The following TAFA2 variants were observed in gnomAD, a reference collection of about 807,000 sequenced individuals.
The protein encoded by TAFA2 is chemokine-like protein TAFA-2.
In TAFA2, 7 loss-of-function variants were observed where a neutral mutation model predicts 18.8. That is an observed-to-expected ratio of 0.37 (90% CI 0.21 to 0.70). The LOEUF (loss-of-function observed/expected upper bound fraction) is 0.70, where lower values mean the gene tolerates loss of function less well. Ranked by LOEUF, TAFA2 falls within the 30% of genes least tolerant of loss-of-function variation. The probability of loss-of-function intolerance (pLI) is 0.53; values close to 1 mark genes in which losing one functional copy is unlikely to be tolerated. For missense variants in TAFA2, 122 were observed against 158.1 expected, an observed-to-expected ratio of 0.77 and a Z score of 1.23; for synonymous variants, 60 against 54.2, an observed-to-expected ratio of 1.11 and a Z score of -0.47.
At chr12:62,096,279 C>T (rs1463420696) in intron 1 of TAFA2, among the ~76,000 whole-genome samples, 13 of 151,998 alleles carry the variant, frequency 8.6e-5, no homozygotes, top group African/African-American at 2.9e-4. Context: ...GCCAAGCATC[C>T]ACACATCACT....
At chr12:62,188,684 A>T (rs2062602156) in intron 1 of TAFA2, among the ~76,000 whole-genome samples, 1 of 152,208 alleles carries the variant, frequency 6.6e-6, no homozygotes, top group Admixed American at 6.5e-5. Flanking sequence ...AAAAATGATC[A>T]TCAAAATACT....
intron 2 of TAFA2, among the ~76,000 whole-genome samples, chr12:61,766,844 T>C (rs1276965607): frequency 6.6e-6 from 1 of 152,136 alleles, no homozygotes; most frequent in Non-Finnish European, 1.5e-5. Context: ...TGACATTGTC[T>C]CTTTGTGAAT....
At chr12:62,199,615 TGTATATATATATAAAAC>T (rs1212114037) in intron 1 of TAFA2, among the ~76,000 whole-genome samples, 2 of 152,092 alleles carry the variant, frequency 1.3e-5, no homozygotes, top group African/African-American at 4.8e-5. Context: ...TATATGTATG[TGTATATATATATAAAAC>T]ATTGTCTTTA....
chr12:61,993,375 T>C (rs536860029), intron 1 of TAFA2, among the ~76,000 whole-genome samples: 71 of 152,320 alleles, frequency 4.7e-4, no homozygotes, highest in African/African-American at 1.6e-3. Flanking sequence ...TTCTGTAATT[T>C]TCTAATGTAT....
At chr12:62,182,883 A>G (rs1360659659) in intron 1 of TAFA2, among the ~76,000 whole-genome samples, 1 of 152,242 alleles carries the variant, frequency 6.6e-6, no homozygotes, top group Non-Finnish European at 1.5e-5. Flanking sequence ...AAGAATGACT[A>G]AGAAGAAAAC....
At chr12:62,049,968 A>G (rs987426622) in intron 1 of TAFA2, among the ~76,000 whole-genome samples, 5 of 152,326 alleles carry the variant, frequency 3.3e-5, no homozygotes, top group Admixed American at 2.6e-4. Context: ...TGAATATCCA[A>G]TATGATAACT....
At chr12:61,724,076 C>A (rs1485250535) in intron 4 of TAFA2, among the ~76,000 whole-genome samples, 1 of 152,122 alleles carries the variant, frequency 6.6e-6, no homozygotes, top group Non-Finnish European at 1.5e-5. Flanking sequence ...CATGCAATCA[C>A]TTATGTGCAT....
intron 2 of TAFA2, among the ~76,000 whole-genome samples, chr12:61,765,165 A>G (rs898695763): frequency 1.3e-5 from 2 of 152,012 alleles, no homozygotes; most frequent in African/African-American, 2.4e-5. Context: ...ATGCTTTTTC[A>G]AGTCCAGGCT....
intron 4 of TAFA2, among the ~76,000 whole-genome samples, chr12:61,748,475 G>A (rs1376861775): frequency 6.6e-6 from 1 of 152,112 alleles, no homozygotes; most frequent in African/African-American, 2.4e-5. Flanking sequence ...AGGCTAGAGA[G>A]AGCATGATGA....
chr12:61,944,292 C>A (rs1213210332), intron 1 of TAFA2, among the ~76,000 whole-genome samples: 1 of 151,330 alleles, frequency 6.6e-6, no homozygotes, highest in African/African-American at 2.5e-5. Context: ...CTCTCTGGGA[C>A]ACATTCAAAG....
At position 61,854,665 on chromosome 12, in the gene TAFA2, T is replaced by G. The variant is rs1204293759; in HGVS notation, c.106+12655A>C. ...GACTTTTATAGCAGCAACAGTACAG[T>G]GAGAAAATAATGGAGAAATATCTTC... On this transcript the variant is annotated intron_variant, in intron 2 of 4. Coordinates refer to ENST00000416284, the MANE Select transcript of TAFA2 (RefSeq NM_178539.5). Among the ~76,000 whole-genome samples the G allele has an allele frequency of 2.6e-5, 4 of 152,036 alleles. No individual in the cohort carries two copies. The East Asian group carries it at 7.7e-4, about 29-fold the overall frequency.
chr12:62,160,118 G>A (rs2062397165), intron 1 of TAFA2, among the ~76,000 whole-genome samples: 1 of 152,218 alleles, frequency 6.6e-6, no homozygotes, highest in Admixed American at 6.5e-5. Flanking sequence ...ACTAGTGGGT[G>A]TTGAGAAAAT....
At chr12:61,906,555 A>T (rs1313376484) in intron 1 of TAFA2, among the ~76,000 whole-genome samples, 1 of 152,202 alleles carries the variant, frequency 6.6e-6, no homozygotes, top group African/African-American at 2.4e-5. Flanking sequence ...ATATGAGAAC[A>T]GACTAATACA....
At chr12:62,026,098 G>A (rs1881302640) in intron 1 of TAFA2, among the ~76,000 whole-genome samples, 1 of 152,100 alleles carries the variant, frequency 6.6e-6, no homozygotes, top group Non-Finnish European at 1.5e-5. Flanking sequence ...AATTGGAAGA[G>A]CTTTCACATC....
Position 62,091,031 on chromosome 12 carries a change from T to C in TAFA2, c.-2+100228A>G, listed in dbSNP as rs554992427. 8.5e-5 allele frequency among the ~76,000 whole-genome samples: 13 copies of C among 152,186 alleles called. No individual in the cohort carries two copies. The East Asian group carries it at 2.5e-3, about 29-fold the overall frequency. On this transcript the variant is annotated intron_variant, in intron 1 of 4. Transcript: ENST00000416284. Reference sequence around the variant, plus strand: ...GATTTGAATATCCAGACACATTATATATCAAAATTAATCAACAGGTATTTG... The same window carrying C: ...GATTTGAATATCCAGACACATTATACATCAAAATTAATCAACAGGTATTTG...
At chr12:62,088,224 C>G (rs1177167385) in intron 1 of TAFA2, among the ~76,000 whole-genome samples, 1 of 151,932 alleles carries the variant, frequency 6.6e-6, no homozygotes, top group East Asian at 1.9e-4. Flanking sequence ...ATTCATGAGT[C>G]CTTTTTGTCC....
intron 2 of TAFA2, among the ~76,000 whole-genome samples, chr12:61,846,669 T>C (rs1477863586): frequency 6.6e-6 from 1 of 152,222 alleles, no homozygotes; most frequent in Non-Finnish European, 1.5e-5. Flanking sequence ...TTAAACATTA[T>C]TTCAATTAAA....
intron 2 of TAFA2, among the ~76,000 whole-genome samples, chr12:61,781,888 C>A (rs1037537245): frequency 2.0e-5 from 3 of 151,360 alleles, no homozygotes; most frequent in Non-Finnish European, 4.4e-5. Flanking sequence ...GGATGGTTGC[C>A]GGGGGAAAAA....
At chr12:62,016,019 GA>G (rs1307049397) in intron 1 of TAFA2, among the ~76,000 whole-genome samples, 4 of 151,420 alleles carry the variant, frequency 2.6e-5, no homozygotes, top group African/African-American at 9.7e-5. Flanking sequence ...ATTGTACACT[GA>G]AAAATAGTTA....
Sources: allele counts gnomAD v4.1 joint callset (sites outside exome capture counted in the v4.1 genomes callset), GRCh38; gene constraint gnomAD v4.1.1; transcripts MANE v1.5; gene names NCBI Gene and HGNC (gene_info 2026-07-23, HGNC 2026-07-21).